Variants in CNNM1 observed in about 807,000 individuals in gnomAD.
The protein encoded by CNNM1 is metal transporter CNNM1.
CNNM1 carries 44 observed loss-of-function variants against 78.8 expected under a neutral mutation model. The ratio of observed to expected loss-of-function variants is 0.56; its 90% CI spans 0.44 to 0.72. CNNM1 has a LOEUF of 0.72. CNNM1 is among the 30% of genes least tolerant of loss of function. CNNM1 has a pLI of 0.00. For synonymous variants in CNNM1, 584 were observed against 581.5 expected (o/e 1.00, Z -0.06); for missense variants, 1,101 against 1,292.2 (o/e 0.85, Z 2.27).
chr10:99,369,523 C>T (rs2031733758), intron 6 of CNNM1, among the ~76,000 whole-genome samples: 1 of 152,104 alleles, frequency 6.6e-6, no homozygotes, highest in African/African-American at 2.4e-5. Context: ...AGTAGACCCT[C>T]AACATTTAAA....
intron 4 of CNNM1, 89 bp downstream of exon 4, chr10:99,362,485 C>G: frequency 7.2e-7 from 1 of 1,382,664 alleles, no homozygotes; most frequent in Admixed American, 2.4e-5. Context: ...GCACCAAGTT[C>G]CAAGACTTGG....
Position 99,329,981 on chromosome 10 carries a change from C to T in CNNM1, c.594C>T (p.Gly198=). The part of the protein sequence containing the change: ...AWDGRAWHHH[G]AAGGFLLRVR... ...ATGGGCGCGCGTGGCACCACCACGGCGCCGCCGGCGGCTTCCTGCTGCGCG... is the reference window on the plus strand; with the variant it reads ...ATGGGCGCGCGTGGCACCACCACGGTGCCGCCGGCGGCTTCCTGCTGCGCG... Residue 198 remains glycine, a synonymous_variant, in exon 1 of 11, where the codon GGC becomes GGT. Coordinates refer to ENST00000356713, the MANE Select transcript of CNNM1 (RefSeq NM_020348.3). The T allele has an allele frequency of 1.7e-5, 23 of 1,388,848 alleles. No individual in the cohort carries two copies. The highest frequency in any genetic ancestry group is 2.1e-5 in the Non-Finnish European group (23 of 1,082,954). 86.0% of individuals were successfully genotyped at this position (1,388,848 alleles called of 1,614,324 possible). A position where few individuals can be genotyped will look rare whatever the true frequency, so the allele number is the denominator to read the frequency against.
intron 7 of CNNM1, among the ~76,000 whole-genome samples, chr10:99,383,309 C>T (rs111857011): frequency 0.035 from 5,316 of 152,022 alleles, 283 homozygotes; most frequent in African/African-American, 0.12. Flanking sequence ...AGTGCAGTGG[C>T]GTGATCTTCT....
chr10:99,388,940 G>C (rs1179437431), intron 9 of CNNM1, among the ~76,000 whole-genome samples: 1 of 152,030 alleles, frequency 6.6e-6, no homozygotes, highest in Admixed American at 6.6e-5. Flanking sequence ...GAGCTCCCAG[G>C]GTCCCAGCAG....
intron 1 of CNNM1, among the ~76,000 whole-genome samples, chr10:99,346,076 T>C (rs1183394903): frequency 6.6e-6 from 1 of 152,134 alleles, no homozygotes; most frequent in African/African-American, 2.4e-5. Context: ...CAAAAAATCA[T>C]AGGAGCCTTT....
chr10:99,361,011 G>A (rs1348453111), intron 3 of CNNM1, 36 bp downstream of exon 3: 2 of 1,565,736 alleles, frequency 1.3e-6, no homozygotes, highest in Non-Finnish European at 1.7e-6. Context: ...AGCTAAAACA[G>A]AATCTCTAGG....
intron 2 of CNNM1, among the ~76,000 whole-genome samples, chr10:99,359,184 G>T (rs1342728189): frequency 1.4e-5 from 2 of 144,514 alleles, no homozygotes; most frequent in Admixed American, 1.4e-4. Context: ...CTAAGGAGAA[G>T]GGGGCGATGA....
rs559102153 is a variant in CNNM1, at chr10:99,386,316, A to G, written c.2341-1504A>G. On this transcript the variant is annotated intron_variant, in intron 7 of 10. Transcript: ENST00000356713. ...AGACTAGCAGCACCAGGAACACAGG[A>G]ACTTGCTAAAAATGCAAATTCTCAG... Among the ~76,000 whole-genome samples the G allele has an allele frequency of 3.3e-5, 5 of 152,316 alleles. No homozygotes were observed. The South Asian group carries it at 1.0e-3, about 32-fold the overall frequency.
chr10:99,386,524 A>C (rs747490615), intron 7 of CNNM1, among the ~76,000 whole-genome samples: 2 of 152,220 alleles, frequency 1.3e-5, no homozygotes, highest in Admixed American at 6.5e-5. Context: ...GAATCTCTGC[A>C]TGTATGTGTC....
intron 4 of CNNM1, among the ~76,000 whole-genome samples, chr10:99,363,766 A>G (rs1158416171): frequency 1.6e-5 from 2 of 128,218 alleles, no homozygotes; most frequent in Admixed American, 8.6e-5. Flanking sequence ...TTTTTTTGAG[A>G]CAGAGTCTCG....
chr10:99,330,032 C>T lies in CNNM1; in HGVS notation c.645C>T (p.Gly215=). 1 of 1,486,806 alleles carries T rather than the reference C, an allele frequency of 6.7e-7. No individual in the cohort carries two copies. The highest frequency in any genetic ancestry group is 8.9e-7 in the Non-Finnish European group (1 of 1,129,838). 92.1% of individuals were successfully genotyped at this position (1,486,806 alleles called of 1,614,324 possible). Reference sequence around the variant, plus strand: ...TTCGCCCGCGGTTGTACGGCCCAGGCGGGGACCTGCTGCCCCCTGCGTGGC... The same window carrying T: ...TTCGCCCGCGGTTGTACGGCCCAGGTGGGGACCTGCTGCCCCCTGCGTGGC... The part of the protein sequence containing the change: ...LRVRPRLYGP[G]GDLLPPAWLR... Residue 215 remains glycine, a synonymous_variant, in exon 1 of 11, where the codon GGC becomes GGT. Transcript: ENST00000356713.
At chr10:99,353,328 T>A (rs1350464325) in intron 1 of CNNM1, among the ~76,000 whole-genome samples, 1 of 152,166 alleles carries the variant, frequency 6.6e-6, no homozygotes, top group African/African-American at 2.4e-5. Context: ...GGGGATCACA[T>A]ATAAATAGAA....
At chr10:99,361,362 T>G (rs2031428016) in intron 3 of CNNM1, among the ~76,000 whole-genome samples, 1 of 152,112 alleles carries the variant, frequency 6.6e-6, no homozygotes, top group Non-Finnish European at 1.5e-5. Flanking sequence ...AATACAGAAG[T>G]GTATTGTGAA....
intron 7 of CNNM1, among the ~76,000 whole-genome samples, chr10:99,377,927 A>ACATTTT (rs1367027776): frequency 5.3e-5 from 8 of 150,478 alleles, no homozygotes; most frequent in African/African-American, 1.7e-4. Context: ...GGAGCCTTTA[A>ACATTTT]CATTTTCCCC....
intron 7 of CNNM1, among the ~76,000 whole-genome samples, chr10:99,385,770 G>A (rs551976321): frequency 2.0e-5 from 3 of 152,332 alleles, no homozygotes; most frequent in East Asian, 1.9e-4. Context: ...CTCCCAGCTT[G>A]AAAGTGGCAA....
In CNNM1 at chr10:99,330,639, A is replaced by C; in HGVS notation, c.1252A>C (p.Ile418Leu). The change falls in exon 1 of 11, where the codon ATA (isoleucine) becomes CTA (leucine). Residue 418 changes from isoleucine (I) to leucine (L), a missense_variant. Ile to Leu is a conservative substitution (Grantham distance 5, BLOSUM62 2). Coordinates refer to ENST00000356713, the MANE Select transcript of CNNM1 (RefSeq NM_020348.3). ...SDLVKEELNI[I>L]QGALELRTKV... ...CCTGGTGAAGGAGGAGCTCAACATC[A>C]TACAGGGTGCCCTGGAGCTGCGCAC... The C allele has an allele frequency of 6.2e-7, 1 of 1,613,926 alleles. No individual in the cohort carries two copies. The highest frequency in any genetic ancestry group is 8.5e-7 in the Non-Finnish European group (1 of 1,179,856).
Position 99,329,976 on chromosome 10 carries a change from C to A in CNNM1, c.589C>A (p.His197Asn). 2 of 1,389,106 alleles carry A rather than the reference C, an allele frequency of 1.4e-6. No homozygotes were observed. The highest frequency in any genetic ancestry group is 1.8e-6 in the Non-Finnish European group (2 of 1,083,084). 86.0% of individuals were successfully genotyped at this position (1,389,106 alleles called of 1,614,324 possible). ...CTGGGATGGGCGCGCGTGGCACCAC[C>A]ACGGCGCCGCCGGCGGCTTCCTGCT... is the stretch of plus-strand genomic sequence containing the variant. ...CAWDGRAWHH[H>N]GAAGGFLLRV... The change falls in exon 1 of 11, where the codon CAC becomes AAC. Residue 197 changes from histidine to asparagine, a missense_variant. His to Asn is a moderately conservative substitution (Grantham distance 68). This residue lies in a region of CNNM1 where 476 missense variants were observed against 484.5 expected (regional missense o/e 0.98). Coordinates refer to ENST00000356713, the MANE Select transcript of CNNM1 (RefSeq NM_020348.3).
chr10:99,389,751 A>G (rs528028064), intron 9 of CNNM1, among the ~76,000 whole-genome samples: 5 of 152,208 alleles, frequency 3.3e-5, no homozygotes, highest in Non-Finnish European at 5.9e-5. Flanking sequence ...TCATGGCTTC[A>G]GTGCAGTGCC....
At position 99,390,278 on chromosome 10, in the gene CNNM1, A is replaced by C. The variant is rs750196366; in HGVS notation, c.2675-28A>C. 5.1e-5 allele frequency: 78 copies of C among 1,544,166 alleles called. 1 individual carries two copies. Among genetic ancestry groups the C allele is most frequent in the Non-Finnish European group, 6.7e-5 (75 of 1,124,770 alleles). ...ATGCCTGAGTGTGTAGGTTGAGACAACTTGAGTTCTCTCCTTTCCTTTCTC... is the reference window on the plus strand; with the variant it reads ...ATGCCTGAGTGTGTAGGTTGAGACACCTTGAGTTCTCTCCTTTCCTTTCTC... On this transcript the variant is annotated intron_variant, in intron 9 of 10. Coordinates refer to ENST00000356713, the MANE Select transcript of CNNM1 (RefSeq NM_020348.3).
Sources: allele counts gnomAD v4.1 joint callset (sites outside exome capture counted in the v4.1 genomes callset), GRCh38; gene constraint gnomAD v4.1.1; regional missense constraint gnomAD v4.1.1; transcripts MANE v1.5; gene names NCBI Gene and HGNC (gene_info 2026-07-23, HGNC 2026-07-21).